Variants in LAX1 observed in about 807,000 individuals in gnomAD.
The protein encoded by LAX1 is lymphocyte transmembrane adaptor 1.
LAX1 carries 17 observed loss-of-function variants against 20.7 expected under a neutral mutation model. The observed-to-expected ratio is 0.82, with a 90% CI of 0.56 to 1.23. The LOEUF is 1.23. LAX1 is among the 50% of genes most tolerant of loss of function. The pLI is 0.00. For synonymous variants in LAX1, 165 were observed against 181.0 expected, an observed-to-expected ratio of 0.91 and a Z score of 0.71; for missense variants, 470 against 487.0, an observed-to-expected ratio of 0.97 and a Z score of 0.33.
In LAX1 at chr1:203,775,444, A is replaced by C. The variant is rs1341532651; in HGVS notation, c.*763A>C. On this transcript the variant is annotated 3_prime_UTR_variant, in exon 5 of 5. Coordinates refer to ENST00000442561, the MANE Select transcript of LAX1 (RefSeq NM_017773.4). ...TGTGGGCAACCAAATGTAGGTAAGG[A>C]TGAAGAAGAACAGGAACTCTCACTG... The C allele has an allele frequency of 6.6e-6, 1 of 152,154 alleles. No homozygotes were observed. The highest frequency in any genetic ancestry group is 2.4e-5 in the African/African-American group (1 of 41,416). The allele number at this position is 152,154 out of a possible 1,614,324, so 9.4% of individuals were successfully genotyped here. A position where few individuals can be genotyped will look rare whatever the true frequency, so the allele number is the denominator to read the frequency against.
At chr1:203,773,798 T>G (rs12567333) in intron 4 of LAX1, 77 bp from the exon 5 acceptor site, 3 of 365,390 alleles carry the variant, frequency 8.2e-6, no homozygotes, top group East Asian at 5.3e-5. Flanking sequence ...AATATGCCAG[T>G]GGTATTTTCC....
chr1:203,765,704 G>A, intron 1 of LAX1, 50 bp downstream of exon 1: 2 of 1,564,116 alleles, frequency 1.3e-6, no homozygotes, highest in Non-Finnish European at 8.8e-7. Flanking sequence ...TTAGGCAGAA[G>A]GTCCTAGTCC....
intron 1 of LAX1, among the ~76,000 whole-genome samples, chr1:203,766,046 T>C (rs191140005): frequency 1.6e-3 from 238 of 152,262 alleles, no homozygotes; most frequent in African/African-American, 5.6e-3. Context: ...GAATAAAAAA[T>C]GTAGTGATAG....
chr1:203,766,231 C>T (rs1667301985), intron 1 of LAX1, among the ~76,000 whole-genome samples: 1 of 152,198 alleles, frequency 6.6e-6, no homozygotes, highest in Non-Finnish European at 1.5e-5. Context: ...AACCCCAGCA[C>T]TTTGGGAGGC....
chr1:203,771,304 G>A (rs1414076507), intron 2 of LAX1, 63 bp from the exon 3 acceptor site: 2 of 1,006,890 alleles, frequency 2.0e-6, no homozygotes, highest in Non-Finnish European at 3.2e-6. Flanking sequence ...TCATTCCCAT[G>A]AGTCTCTTCA....
intron 1 of LAX1, among the ~76,000 whole-genome samples, chr1:203,769,391 C>CA (rs1211514744): frequency 3.2e-4 from 21 of 65,276 alleles, no homozygotes; most frequent in African/African-American, 4.4e-4. Context: ...GACTCTGTCT[C>CA]AAAAAAAAAG....
At chr1:203,767,380 T>C (rs1667323463) in intron 1 of LAX1, among the ~76,000 whole-genome samples, 1 of 141,868 alleles carries the variant, frequency 7.0e-6, no homozygotes, top group African/African-American at 2.6e-5. Context: ...CAATCTAGGG[T>C]CACTGCAACC....
At chr1:203,772,281 A>G in intron 4 of LAX1, 134 bp downstream of exon 4, 2 of 687,404 alleles carry the variant, frequency 2.9e-6, no homozygotes, top group Middle Eastern at 3.4e-4. Flanking sequence ...AGTCCTATTA[A>G]TAAATTGGGA....
intron 3 of LAX1, among the ~76,000 whole-genome samples, 163 bp from the exon 4 acceptor site, chr1:203,771,905 T>C (rs1667428481): frequency 2.0e-5 from 3 of 151,934 alleles, no homozygotes; most frequent in South Asian, 2.1e-4. Flanking sequence ...GTTCTCAGAG[T>C]GTCATCCCCA....
At chr1:203,766,501 C>T (rs1034937492) in intron 1 of LAX1, among the ~76,000 whole-genome samples, 2 of 152,070 alleles carry the variant, frequency 1.3e-5, no homozygotes, top group Admixed American at 6.6e-5. Context: ...AAATTGCAGT[C>T]GTTTGGGGAA....
Position 203,774,718 on chromosome 1 carries a change from G to A in LAX1, c.*37G>A. 6.4e-7 allele frequency: 1 copy of A among 1,569,154 alleles called. No homozygotes were observed. Among genetic ancestry groups the A allele is most frequent in the Non-Finnish European group, 8.7e-7 (1 of 1,147,128 alleles). Reference sequence around the variant, plus strand: ...CCCAGCCATAAAGCCACATTGAGTAGTCTATCCCATAGGATTGACTACTGC... The same window carrying A: ...CCCAGCCATAAAGCCACATTGAGTAATCTATCCCATAGGATTGACTACTGC... On this transcript the variant is annotated 3_prime_UTR_variant, in exon 5 of 5. Coordinates refer to ENST00000442561, the MANE Select transcript of LAX1 (RefSeq NM_017773.4).
intron 1 of LAX1, among the ~76,000 whole-genome samples, chr1:203,770,057 T>G (rs534202819): frequency 5.3e-5 from 8 of 152,244 alleles, no homozygotes; most frequent in African/African-American, 1.7e-4. Flanking sequence ...GACATGTTAC[T>G]TTACCTTTCT....
chr1:203,767,516 C>T (rs997194076), intron 1 of LAX1, among the ~76,000 whole-genome samples: 1 of 151,372 alleles, frequency 6.6e-6, no homozygotes, highest in Admixed American at 6.6e-5. Flanking sequence ...CCATGTTGGT[C>T]AGGCTGGTCT....
At chr1:203,767,103 G>A (rs1391624296) in intron 1 of LAX1, among the ~76,000 whole-genome samples, 3 of 151,566 alleles carry the variant, frequency 2.0e-5, no homozygotes, top group East Asian at 1.9e-4. Flanking sequence ...TAGGTGATCC[G>A]CCCACCTCTG....
At chr1:203,768,140 A>G (rs1667335173) in intron 1 of LAX1, among the ~76,000 whole-genome samples, 1 of 151,990 alleles carries the variant, frequency 6.6e-6, no homozygotes, top group Non-Finnish European at 1.5e-5. Context: ...ATGAAACCCC[A>G]TCTCTACTAA....
chr1:203,771,899 T>G (rs997171235), intron 3 of LAX1, among the ~76,000 whole-genome samples, 169 bp from the exon 4 acceptor site: 4 of 152,128 alleles, frequency 2.6e-5, no homozygotes, highest in Admixed American at 6.6e-5. Flanking sequence ...CTTCCGGTTC[T>G]CAGAGTGTCA....
Position 203,769,442 on chromosome 1 carries a change from AAGGAAAGAAAGAAAAGAAAAG to A in LAX1, c.90-1384_90-1364del, listed in dbSNP as rs1558069948. ...GAAAGAAAGAAAGAAAGAAAGAAAG[AAGGAAAGAAAGAAAAGAAAAG>A]AAAGAAAGTTGTATAAATAAGCCTA... On this transcript the variant is annotated intron_variant, in intron 1 of 4. Coordinates refer to ENST00000442561, the MANE Select transcript of LAX1 (RefSeq NM_017773.4). 8.7e-4 allele frequency among the ~76,000 whole-genome samples: 53 copies of A among 60,684 alleles called. 1 individual carries two copies. The highest frequency in any genetic ancestry group is 2.1e-3 in the South Asian group (4 of 1,902). The allele number at this position is 60,684 out of a possible 152,430, so 39.8% of individuals were successfully genotyped here.
chr1:203,770,697 C>T, intron 1 of LAX1, 131 bp from the exon 2 acceptor site: 2 of 699,172 alleles, frequency 2.9e-6, no homozygotes, highest in Non-Finnish European at 5.1e-6. Flanking sequence ...TCTCTTCCAC[C>T]ACACCCCACC....
At chr1:203,771,499 A>G (rs757619018) in intron 3 of LAX1, 22 bp downstream of exon 3, 3 of 1,375,514 alleles carry the variant, frequency 2.2e-6, no homozygotes, top group Non-Finnish European at 3.1e-6. Context: ...CTTCTAATCT[A>G]TGGAGTCCAG....
Sources: allele counts gnomAD v4.1 joint callset (sites outside exome capture counted in the v4.1 genomes callset), GRCh38; gene constraint gnomAD v4.1.1; transcripts MANE v1.5; gene names NCBI Gene and HGNC (gene_info 2026-07-23, HGNC 2026-07-21).